The following COL9A1 variants were observed in gnomAD, a reference collection of about 807,000 sequenced individuals.
The protein encoded by COL9A1 is collagen alpha-1(IX) chain.
Under a neutral mutation model 142.6 loss-of-function variants are expected in COL9A1, and 104 were observed. That is an observed-to-expected ratio of 0.73 (90% CI 0.62 to 0.86). The LOEUF (loss-of-function observed/expected upper bound fraction) is 0.86. Ranked by LOEUF, COL9A1 falls within the 40% of genes least tolerant of loss-of-function variation. The probability of loss-of-function intolerance (pLI) is 0.00; values close to 1 mark genes in which losing one functional copy is unlikely to be tolerated. For missense variants in COL9A1, 1,210 were observed against 1,176.6 expected (o/e 1.03, Z -0.42); for synonymous variants, 466 against 396.0 (o/e 1.18, Z -2.10).
At chr6:70,249,659 G>T (rs1291249053) in intron 28 of COL9A1, among the ~76,000 whole-genome samples, 17 of 152,256 alleles carry the variant, frequency 1.1e-4, no homozygotes, top group East Asian at 3.9e-4. Flanking sequence ...CAGGAGCAAT[G>T]GCAAGAATTT....
rs201520437 is a variant in COL9A1, at chr6:70,217,045, C to T, written c.2618G>A (p.Arg873Gln). The change falls in exon 38 of 38, where the codon CGA becomes CAA. Residue 873 changes from arginine (R) to glutamine (Q), a missense_variant. Arg to Gln is a conservative substitution (Grantham distance 43). Coordinates refer to ENST00000357250, the MANE Select transcript of COL9A1 (RefSeq NM_001851.6). The part of the protein sequence containing the change: ...PGPASYGRNG[R>Q]DGERGPPGVA... ...CCCTGGGGGGCCTCGCTCACCGTCT[C>T]GGCCATTTCTGCCATAGCTGGCAGG... The T allele has an allele frequency of 2.3e-5, 37 of 1,614,192 alleles. No individual in the cohort carries two copies. Among genetic ancestry groups the T allele is most frequent in the East Asian group, 4.5e-5 (2 of 44,890 alleles).
chr6:70,266,302 GC>G (rs5877246), intron 18 of COL9A1, among the ~76,000 whole-genome samples: 22,875 of 152,140 alleles, frequency 0.15, 1,952 homozygotes, highest in Middle Eastern at 0.21. Context: ...GAAGCTATAA[GC>G]CAATTACCAA....
At chr6:70,271,973 G>T in intron 13 of COL9A1, 92 bp downstream of exon 13, 1 of 1,301,534 alleles carries the variant, frequency 7.7e-7, no homozygotes, top group Non-Finnish European at 1.1e-6. Flanking sequence ...AAACACCACT[G>T]AGTAGACCGT....
downstream of COL9A1, chr6:70,215,884 T>A (rs1029838326): frequency 6.7e-6 from 1 of 149,812 alleles, no homozygotes; most frequent in South Asian, 2.1e-4. Context: ...TTCGAAAAGG[T>A]CCATGAAGCT....
chr6:70,267,327 G>GGTTTT (rs757813161), intron 17 of COL9A1, among the ~76,000 whole-genome samples: 2 of 127,032 alleles, frequency 1.6e-5, no homozygotes, highest in African/African-American at 5.9e-5. Context: ...TGGTTTTTTT[G>GGTTTT]TTTTTTTTTT....
At chr6:70,289,447 C>G (rs1392378493) in intron 5 of COL9A1, among the ~76,000 whole-genome samples, 1 of 152,108 alleles carries the variant, frequency 6.6e-6, no homozygotes, top group Non-Finnish European at 1.5e-5. Context: ...TGCTGTGTCA[C>G]CAGCTCTAGT....
Position 70,255,402 on chromosome 6 carries a change from T to C in COL9A1, c.1504-12A>G. ...TGTCCTTGATCACCCTGTATGAAAA[T>C]AAAATTTTGTTAATACAAGAAAAAG... On this transcript the variant is annotated splice_polypyrimidine_tract_variant and intron_variant, in intron 21 of 37. Transcript: ENST00000357250. The C allele has an allele frequency of 3.7e-6, 6 of 1,613,580 alleles. No homozygotes were observed. Among genetic ancestry groups the C allele is most frequent in the Non-Finnish European group, 5.1e-6 (6 of 1,179,520 alleles).
At position 70,252,259 on chromosome 6, in the gene COL9A1, T is replaced by A; in HGVS notation, c.1818+3A>T. ...CTTCAGGAGAGGTAAAATGGTGTCT[T>A]ACCGGTTTGCCTGAATTTCCCATCT... On this transcript the variant is annotated splice_donor_region_variant and intron_variant, in intron 27 of 37. Transcript: ENST00000357250. 6.2e-7 allele frequency: 1 copy of A among 1,614,196 alleles called. No homozygotes were observed. Among genetic ancestry groups the A allele is most frequent in the Non-Finnish European group, 8.5e-7 (1 of 1,180,012 alleles).
At chr6:70,269,727 T>C in intron 15 of COL9A1, 62 bp from the exon 16 acceptor site, 5 of 1,046,266 alleles carry the variant, frequency 4.8e-6, no homozygotes, top group South Asian at 1.3e-5. Flanking sequence ...AACATACTAA[T>C]ACTAGAAAGC....
At chr6:70,267,586 T>A (rs1401825707) in intron 17 of COL9A1, among the ~76,000 whole-genome samples, 1 of 151,758 alleles carries the variant, frequency 6.6e-6, no homozygotes, top group African/African-American at 2.4e-5. Context: ...CCTCCCAAAG[T>A]GCTGGGATTA....
intron 29 of COL9A1, 53 bp from the exon 30 acceptor site, chr6:70,242,088 C>A: frequency 1.4e-6 from 2 of 1,472,476 alleles, no homozygotes; most frequent in Non-Finnish European, 1.9e-6. Flanking sequence ...ACACTGAAAG[C>A]ACGGAAGGCA....
chr6:70,245,070 C>T (rs373408811), intron 28 of COL9A1, among the ~76,000 whole-genome samples: 1 of 152,174 alleles, frequency 6.6e-6, no homozygotes, highest in East Asian at 1.9e-4. Context: ...AAATCCTTGG[C>T]CATTCTAAAT....
intron 27 of COL9A1, 38 bp from the exon 28 acceptor site, chr6:70,252,211 C>T (rs1399030649): frequency 1.2e-6 from 2 of 1,613,956 alleles, no homozygotes; most frequent in Non-Finnish European, 1.7e-6. Flanking sequence ...AAGTTAACAC[C>T]TACTGATTAC....
chr6:70,270,193 T>C (rs1772303717), intron 15 of COL9A1, 121 bp downstream of exon 15: 8 of 926,660 alleles, frequency 8.6e-6, no homozygotes, highest in East Asian at 2.4e-5. Flanking sequence ...GAAAAATTGA[T>C]AGCCGTTTTG....
At position 70,281,612 on chromosome 6, in the gene COL9A1, G is replaced by C. The variant is rs73473597; in HGVS notation, c.802-148C>G. 885 of 610,834 alleles carry C rather than the reference G, an allele frequency of 1.4e-3. 6 individuals carry two copies. Among genetic ancestry groups the C allele is most frequent in the African/African-American group, 0.014 (755 of 53,714 alleles). The allele number at this position is 610,834 out of a possible 1,614,324, so 37.8% of individuals were successfully genotyped here. ...TGCAACCCAACGCAAAAATGTCTCA[G>C]ACCTCCAAGCAAGCGCAGCTTTGGT... is the stretch of plus-strand genomic sequence containing the variant. On this transcript the variant is annotated intron_variant, in intron 7 of 37. Coordinates refer to ENST00000357250, the MANE Select transcript of COL9A1 (RefSeq NM_001851.6).
At chr6:70,272,137 A>T (rs1257340742) in intron 12 of COL9A1, 49 bp from the exon 13 acceptor site, 2 of 1,461,648 alleles carry the variant, frequency 1.4e-6, no homozygotes, top group Non-Finnish European at 1.9e-6. Flanking sequence ...TATACTTAGT[A>T]TAAATATGAA....
chr6:70,242,851 AG>A (rs1408071717), intron 28 of COL9A1, 136 bp from the exon 29 acceptor site: 4 of 761,304 alleles, frequency 5.3e-6, no homozygotes, highest in Non-Finnish European at 9.4e-6. Flanking sequence ...TAGTGCCTAC[AG>A]CATCCTGTGT....
intron 28 of COL9A1, among the ~76,000 whole-genome samples, chr6:70,250,346 G>C (rs1381299101): frequency 1.3e-5 from 2 of 152,166 alleles, no homozygotes; most frequent in Non-Finnish European, 2.9e-5. Context: ...ATCTTCCTGG[G>C]CTAGTCATAT....
At chr6:70,286,043 C>G (rs1177402014) in intron 5 of COL9A1, among the ~76,000 whole-genome samples, 2 of 152,152 alleles carry the variant, frequency 1.3e-5, no homozygotes, top group African/African-American at 4.8e-5. Context: ...CGCCCACCAC[C>G]ACACCCAGCT....
Sources: allele counts gnomAD v4.1 joint callset (sites outside exome capture counted in the v4.1 genomes callset), GRCh38; gene constraint gnomAD v4.1.1; transcripts MANE v1.5; gene names NCBI Gene and HGNC (gene_info 2026-07-23, HGNC 2026-07-21).